The following ANGPTL1 variants were observed in gnomAD, a reference collection of about 807,000 sequenced individuals.
ANGPTL1 encodes the protein angiopoietin-related protein 1.
A neutral mutation model predicts 46.7 loss-of-function variants in ANGPTL1; 36 were observed. The observed-to-expected ratio is 0.77, with a 90% CI of 0.59 to 1.02. ANGPTL1 has a LOEUF of 1.02. Among genes scored for constraint, ANGPTL1 ranks in the 50% least tolerant of loss-of-function variants. ANGPTL1 has a pLI of 0.00. For synonymous variants in ANGPTL1, 221 were observed against 204.3 expected (o/e 1.08, Z -0.69); for missense variants, 571 against 594.7 (o/e 0.96, Z 0.41).
Position 178,856,196 on chromosome 1 carries a change from GAGAGAGATATATAT to G in ANGPTL1, c.824-2423_824-2410del, listed in dbSNP as rs1444975443. 1.2e-4 allele frequency among the ~76,000 whole-genome samples: 5 copies of G among 41,054 alleles called. 1 individual carries two copies. Among genetic ancestry groups the G allele is most frequent in the African/African-American group, 5.2e-4 (5 of 9,658 alleles). The allele number at this position is 41,054 out of a possible 152,430, so 26.9% of individuals were successfully genotyped here. On this transcript the variant is annotated intron_variant, in intron 3 of 5. Transcript: ENST00000234816. ...TGTGTTACCTGTACTTTTCCAGAGA[GAGAGAGATATATAT>G]ATATATATATATATATATATATATG...
At chr1:178,856,196 GAGAGAGATATATATATAT>G (rs1237209680) in intron 3 of ANGPTL1, among the ~76,000 whole-genome samples, 1 of 41,054 alleles carries the variant, frequency 2.4e-5, no homozygotes, top group Non-Finnish European at 5.1e-5. Context: ...TTTCCAGAGA[GAGAGAGATATATATATAT>G]ATATATATAT....
chr1:178,870,328 A>G (rs556337916), intron 1 of ANGPTL1, among the ~76,000 whole-genome samples: 3 of 152,282 alleles, frequency 2.0e-5, no homozygotes, highest in Admixed American at 6.5e-5. Flanking sequence ...CAGCACACAC[A>G]CTGTGGCTGC....
intron 1 of ANGPTL1, among the ~76,000 whole-genome samples, chr1:178,869,824 T>C (rs1658638838): frequency 1.3e-5 from 2 of 152,134 alleles, no homozygotes; most frequent in South Asian, 2.1e-4. Context: ...TAAGGCATAC[T>C]ATTGGTAACG....
chr1:178,857,650 A>C (rs1231377294), intron 3 of ANGPTL1, among the ~76,000 whole-genome samples: 2 of 152,284 alleles, frequency 1.3e-5, no homozygotes, highest in East Asian at 3.9e-4. Flanking sequence ...TCATTTTATA[A>C]ATTTGCATAT....
intron 3 of ANGPTL1, 36 bp downstream of exon 3, chr1:178,864,918 T>C: frequency 7.3e-7 from 1 of 1,365,114 alleles, no homozygotes; most frequent in Middle Eastern, 1.9e-4. Flanking sequence ...AATATAAACC[T>C]CATACTCCCA....
intron 3 of ANGPTL1, among the ~76,000 whole-genome samples, chr1:178,862,702 G>A (rs1174330019): frequency 6.6e-6 from 1 of 151,892 alleles, no homozygotes; most frequent in Non-Finnish European, 1.5e-5. Context: ...AAATATTTAG[G>A]GGAAAATGAG....
At position 178,870,786 on chromosome 1, in the gene ANGPTL1, T is replaced by C. The variant is rs1333996720; in HGVS notation, c.-182A>G. The C allele has an allele frequency of 6.6e-6, 1 of 152,218 alleles. No homozygotes were observed. Among genetic ancestry groups the C allele is most frequent in the Non-Finnish European group, 1.5e-5 (1 of 68,026 alleles). The allele number at this position is 152,218 out of a possible 1,614,324, so 9.4% of individuals were successfully genotyped here. The stretch of plus-strand genomic sequence containing the variant: ...AGTGAATCCAGAAACTTGCTGCCCT[T>C]ATTCTTGATTTTAAAAATCAGTGTA... On this transcript the variant is annotated 5_prime_UTR_variant, in exon 1 of 6. In the 5' UTR this introduces an upstream ATG that the reference lacks. Transcript: ENST00000234816.
At chr1:178,866,103 G>A (rs1430047177) in intron 2 of ANGPTL1, among the ~76,000 whole-genome samples, 2 of 152,060 alleles carry the variant, frequency 1.3e-5, no homozygotes, top group Admixed American at 6.6e-5. Context: ...GCAAAGATAC[G>A]CTGCTAGTGC....
rs1432102601 is a variant in ANGPTL1 at position 178,865,553 on chromosome 1, G to A, written c.224C>T (p.Thr75Ile). 1 of 1,613,910 alleles carries A rather than the reference G, an allele frequency of 6.2e-7. No homozygotes were observed. Among genetic ancestry groups the A allele is most frequent in the Non-Finnish European group, 8.5e-7 (1 of 1,179,994 alleles). Residue 75 changes from threonine to isoleucine, a missense_variant, in exon 3 of 6, where the codon ACC (threonine) becomes ATC (isoleucine). Thr to Ile is a moderately conservative substitution (Grantham distance 89, BLOSUM62 -1). Coordinates refer to ENST00000234816, the MANE Select transcript of ANGPTL1 (RefSeq NM_004673.4). Reference protein sequence around the residue: ...CVNTKGQDASTIKDMITRMDL... With the variant: ...CVNTKGQDASIIKDMITRMDL... ...CATCCTGGTGATCATGTCTTTAATG[G>A]TACTTGCATCTTGCCCCTTGGTGTT...
At chr1:178,853,172 C>T (rs1048978210) in intron 4 of ANGPTL1, 1 of 985,314 alleles carries the variant, frequency 1.0e-6, no homozygotes, top group African/African-American at 1.7e-5. Context: ...TATTCATTTG[C>T]ATAGCTAGCT....
rs557955097 is a variant in ANGPTL1, at chr1:178,852,532, G to T, written c.1288+151C>A. ...TTGCCTTATAGAAGAAATCCTAAAA[G>T]CTATTTCTTTCAGTAGGTTGGTTGT... On this transcript the variant is annotated intron_variant, in intron 5 of 5. Transcript: ENST00000234816. 18 of 716,306 alleles carry T rather than the reference G, an allele frequency of 2.5e-5. No homozygotes were observed. The African/African-American group carries it at 2.8e-4, about 11-fold the overall frequency. 44.4% of individuals were successfully genotyped at this position (716,306 alleles called of 1,614,324 possible).
Position 178,850,931 on chromosome 1 carries a change from A to C in ANGPTL1, c.*198T>G. ...AATTTTTAAAATAACTAGGTTGTGG[A>C]TACACATAATTTTCTGCAGTAATTG... is the stretch of plus-strand genomic sequence containing the variant. On this transcript the variant is annotated 3_prime_UTR_variant, in exon 6 of 6. Coordinates refer to ENST00000234816, the MANE Select transcript of ANGPTL1 (RefSeq NM_004673.4). The C allele has an allele frequency of 2.3e-6, 1 of 437,470 alleles. No individual in the cohort carries two copies. The highest frequency in any genetic ancestry group is 3.9e-6 in the Non-Finnish European group (1 of 254,164). 27.1% of individuals were successfully genotyped at this position (437,470 alleles called of 1,614,324 possible).
rs1657080703 is a variant in ANGPTL1 at position 178,850,163 on chromosome 1, T to C, written c.*966A>G. 1.3e-5 allele frequency: 2 copies of C among 152,670 alleles called. No individual in the cohort carries two copies. The allele number at this position is 152,670 out of a possible 1,614,324, so 9.5% of individuals were successfully genotyped here. On this transcript the variant is annotated 3_prime_UTR_variant, in exon 6 of 6. Coordinates refer to ENST00000234816, the MANE Select transcript of ANGPTL1 (RefSeq NM_004673.4). ...GAAAACAGCCAACAGTTCCTTGAGT[T>C]TGTTTTAGTCCCACCTGTTCTGAGC...
intron 3 of ANGPTL1, among the ~76,000 whole-genome samples, chr1:178,861,087 A>G (rs555641630): frequency 6.6e-5 from 10 of 152,252 alleles, no homozygotes; most frequent in African/African-American, 2.2e-4. Context: ...GAAAACACAA[A>G]CTGGCAGTGA....
chr1:178,869,237 G>T lies in ANGPTL1; in HGVS notation c.-136-14C>A, dbSNP rs1240814814. ...CTATATTGCCAGCTAGTAGAGAGAA[G>T]AAACGAAAGTCAGGATTTGCCTCCT... On this transcript the variant is annotated splice_polypyrimidine_tract_variant and intron_variant, in intron 1 of 5. Coordinates refer to ENST00000234816, the MANE Select transcript of ANGPTL1 (RefSeq NM_004673.4). The T allele has an allele frequency of 1.3e-5, 2 of 152,008 alleles. No individual in the cohort carries two copies. The highest frequency in any genetic ancestry group is 6.6e-5 in the Admixed American group (1 of 15,240). The allele number at this position is 152,008 out of a possible 1,614,324, so 9.4% of individuals were successfully genotyped here.
intron 2 of ANGPTL1, among the ~76,000 whole-genome samples, chr1:178,867,767 A>G (rs1055536892): frequency 1.3e-5 from 2 of 151,632 alleles, no homozygotes; most frequent in African/African-American, 2.4e-5. Context: ...TTCCTTCTGT[A>G]TGTATTCTGT....
intron 3 of ANGPTL1, among the ~76,000 whole-genome samples, chr1:178,862,593 T>TTTTA (rs57690079): frequency 0.14 from 19,149 of 140,482 alleles, 1,552 homozygotes; most frequent in East Asian, 0.34. Context: ...GTTGCATTTT[T>TTTTA]TTTATTTATT....
chr1:178,864,935 A>G lies in ANGPTL1; in HGVS notation c.823+19T>C, dbSNP rs2102334823. 2 of 1,404,598 alleles carry G rather than the reference A, an allele frequency of 1.4e-6. No individual in the cohort carries two copies. The highest frequency in any genetic ancestry group is 4.1e-5 in the South Asian group (2 of 48,758). The allele number at this position is 1,404,598 out of a possible 1,614,324, so 87.0% of individuals were successfully genotyped here. A position where few individuals can be genotyped will look rare whatever the true frequency, so the allele number is the denominator to read the frequency against. ...TATAAACCTCATACTCCCACTTTTT[A>G]CAGTAAGAGGTAACTCACCTTCATT... is the stretch of plus-strand genomic sequence containing the variant. On this transcript the variant is annotated intron_variant, in intron 3 of 5. Coordinates refer to ENST00000234816, the MANE Select transcript of ANGPTL1 (RefSeq NM_004673.4).
chr1:178,867,097 G>A (rs989690149), intron 2 of ANGPTL1, among the ~76,000 whole-genome samples: 1 of 152,078 alleles, frequency 6.6e-6, no homozygotes, highest in African/African-American at 2.4e-5. Context: ...TTCCACATAA[G>A]TACCTGTTTC....
Sources: gnomAD v4.1 joint callset for allele counts (sites outside exome capture counted in the v4.1 genomes callset) on GRCh38, gnomAD v4.1.1 for gene constraint, MANE v1.5 for transcripts, NCBI Gene and HGNC (gene_info 2026-07-23, HGNC 2026-07-21) for gene names.